DPF3: variants seen among roughly 807,000 people sequenced by gnomAD.
DPF3 encodes the protein zinc finger protein DPF3.
In DPF3, 18 loss-of-function variants were observed where a neutral mutation model predicts 56.8. The observed-to-expected ratio is 0.32, with a 90% confidence interval of 0.22 to 0.47. The LOEUF is 0.47. Ranked by LOEUF, DPF3 falls within the 20% of genes least tolerant of loss-of-function variation. The pLI is 1.00. For synonymous variants in DPF3, 188 were observed against 180.2 expected (o/e 1.04, Z -0.35); for missense variants, 403 against 488.8 (o/e 0.82, Z 1.65).
chr14:72,801,523 G>C (rs1168199511), intron 1 of DPF3, among the ~76,000 whole-genome samples: 2 of 152,166 alleles, frequency 1.3e-5, no homozygotes, highest in African/African-American at 4.8e-5. Context: ...CACAGTTCAG[G>C]CAATTGCTTA....
At chr14:72,621,454 G>A (rs969909853) in intron 9 of DPF3, among the ~76,000 whole-genome samples, 2 of 152,176 alleles carry the variant, frequency 1.3e-5, no homozygotes, top group African/African-American at 4.8e-5. Flanking sequence ...CCCCACCAGT[G>A]CAGAAATCCT....
At chr14:72,640,485 A>T (rs1316889750) in intron 8 of DPF3, among the ~76,000 whole-genome samples, 1 of 152,148 alleles carries the variant, frequency 6.6e-6, no homozygotes, top group East Asian at 1.9e-4. Flanking sequence ...AACAGACAAA[A>T]TCCTACCCTT....
At chr14:72,851,142 A>G (rs8014316) in intron 1 of DPF3, among the ~76,000 whole-genome samples, 2,224 of 152,322 alleles carry the variant, frequency 0.015, 54 homozygotes, top group African/African-American at 0.051. Context: ...TATGAGGACC[A>G]GGTGCTAGAG....
intron 8 of DPF3, chr14:72,660,974 G>T: frequency 3.8e-6 from 3 of 784,330 alleles, no homozygotes; most frequent in Non-Finnish European, 4.6e-6. Flanking sequence ...AGTCCCTGCC[G>T]CATGACGGCG....
chr14:72,874,994 A>G (rs1422769745), intron 1 of DPF3, among the ~76,000 whole-genome samples: 2 of 152,248 alleles, frequency 1.3e-5, no homozygotes, highest in South Asian at 4.1e-4. Context: ...CCTCGGAATC[A>G]TGGCAGGAAG....
intron 1 of DPF3, among the ~76,000 whole-genome samples, chr14:72,847,347 T>A (rs1466889534): frequency 2.0e-5 from 3 of 152,184 alleles, no homozygotes; most frequent in Non-Finnish European, 4.4e-5. Context: ...CAACTTACCA[T>A]GAGGGCCACG....
At chr14:72,644,758 A>G (rs1169068631) in intron 8 of DPF3, among the ~76,000 whole-genome samples, 1 of 152,220 alleles carries the variant, frequency 6.6e-6, no homozygotes, top group Non-Finnish European at 1.5e-5. Flanking sequence ...GACAAACTCC[A>G]TTCCATAATC....
intron 8 of DPF3, among the ~76,000 whole-genome samples, chr14:72,640,348 G>A (rs1008772656): frequency 2.0e-5 from 3 of 152,182 alleles, no homozygotes; most frequent in Non-Finnish European, 2.9e-5. Flanking sequence ...TCTGGTGATA[G>A]GTCAGAAGGC....
chr14:72,813,345 G>T (rs1262629691), intron 1 of DPF3, among the ~76,000 whole-genome samples: 1 of 152,124 alleles, frequency 6.6e-6, no homozygotes, highest in African/African-American at 2.4e-5. Context: ...GTAAAACCCT[G>T]ACAGGATTCA....
chr14:72,740,974 G>A (rs762701418), intron 3 of DPF3, among the ~76,000 whole-genome samples: 4 of 152,170 alleles, frequency 2.6e-5, no homozygotes, highest in Non-Finnish European at 2.9e-5. Context: ...GGCTGAGGCA[G>A]GAGGAGGATC....
intron 1 of DPF3, among the ~76,000 whole-genome samples, chr14:72,795,291 A>T (rs199973953): frequency 0.1 from 12,686 of 121,452 alleles, 595 homozygotes; most frequent in Middle Eastern, 0.15. Flanking sequence ...AAAAAAAAAA[A>T]AAAAATATAT....
intron 1 of DPF3, chr14:72,879,898 G>C: frequency 6.6e-7 from 1 of 1,524,272 alleles, no homozygotes; most frequent in Non-Finnish European, 8.8e-7. Flanking sequence ...ATCTATATGC[G>C]TGTTTTCCGG....
chr14:72,679,856 G>A (rs557325132), intron 7 of DPF3, among the ~76,000 whole-genome samples: 38 of 152,376 alleles, frequency 2.5e-4, no homozygotes, highest in African/African-American at 9.1e-4. Context: ...CAGGCGGGAC[G>A]TGCTGGCTAG....
At chr14:72,809,937 A>G (rs1017737693) in intron 1 of DPF3, among the ~76,000 whole-genome samples, 7 of 152,200 alleles carry the variant, frequency 4.6e-5, no homozygotes, top group African/African-American at 1.2e-4. Context: ...CCATCTGAGA[A>G]ATGGGGATAT....
intron 1 of DPF3, among the ~76,000 whole-genome samples, chr14:72,855,840 T>C (rs1168398863): frequency 6.6e-6 from 1 of 152,228 alleles, no homozygotes; most frequent in Non-Finnish European, 1.5e-5. Context: ...AGCTGAGAAC[T>C]CATACCTTTC....
intron 1 of DPF3, among the ~76,000 whole-genome samples, chr14:72,802,182 C>A (rs1419560319): frequency 6.6e-6 from 1 of 151,350 alleles, no homozygotes; most frequent in African/African-American, 2.5e-5. Context: ...CTGAACACTA[C>A]GAGACAAATG....
chr14:72,762,700 T>A (rs912450046), intron 2 of DPF3, among the ~76,000 whole-genome samples: 8 of 151,960 alleles, frequency 5.3e-5, no homozygotes, highest in African/African-American at 7.2e-5. Context: ...CATAAGGGTG[T>A]CCAGTCTCAC....
intron 3 of DPF3, among the ~76,000 whole-genome samples, chr14:72,748,092 C>T (rs1038092103): frequency 8.5e-5 from 13 of 152,172 alleles, no homozygotes; most frequent in African/African-American, 1.9e-4. Flanking sequence ...AAAGTTTGGA[C>T]GGCTCAGAAG....
chr14:72,841,144 G>A (rs1009579838), intron 1 of DPF3, among the ~76,000 whole-genome samples: 3 of 43,274 alleles, frequency 6.9e-5, no homozygotes, highest in South Asian at 1.3e-3. Flanking sequence ...AATTCTGTGA[G>A]ATGTTGTTTC....
Sources: allele counts gnomAD v4.1 joint callset (sites outside exome capture counted in the v4.1 genomes callset), GRCh38; gene constraint gnomAD v4.1.1; transcripts MANE v1.5; gene names NCBI Gene and HGNC (gene_info 2026-07-23, HGNC 2026-07-21).